Variants in SMARCA2 observed in about 807,000 individuals in gnomAD.
The protein encoded by SMARCA2 is SWI/SNF related BAF chromatin remodeling complex subunit ATPase 2, also known as SWI/SNF-related matrix-associated actin-dependent regulator of chromatin subfamily A member 2.
A neutral mutation model predicts 199.8 loss-of-function variants in SMARCA2; 61 were observed. The ratio of observed to expected loss-of-function variants is 0.31; its 90% CI spans 0.25 to 0.38. SMARCA2 has a LOEUF of 0.38. SMARCA2 is among the 10% of genes least tolerant of loss of function. The pLI is 1.00. For synonymous variants in SMARCA2, 935 were observed against 732.0 expected, an observed-to-expected ratio of 1.28 and a Z score of -4.48; for missense variants, 1,344 against 2,012.2, an observed-to-expected ratio of 0.67 and a Z score of 6.35.
intron 27 of SMARCA2, chr9:2,160,940 T>A (rs763198601): frequency 7.3e-5 from 19 of 261,070 alleles, no homozygotes; most frequent in Admixed American, 2.0e-4. Context: ...TAGCCCTTTA[T>A]GAACAGGTTT....
At chr9:2,098,058 C>T (rs1033865313) in intron 21 of SMARCA2, among the ~76,000 whole-genome samples, 17 of 152,220 alleles carry the variant, frequency 1.1e-4, no homozygotes, top group African/African-American at 4.1e-4. Flanking sequence ...GCCATGTTCA[C>T]TCCATGTGAA....
chr9:2,160,492 T>C, intron 27 of SMARCA2: 1 of 602,174 alleles, frequency 1.7e-6, no homozygotes, highest in Non-Finnish European at 3.0e-6. Flanking sequence ...CACAAAACCT[T>C]TCTTTTTCAG....
intron 27 of SMARCA2, among the ~76,000 whole-genome samples, chr9:2,148,779 G>C (rs1214262901): frequency 6.6e-6 from 1 of 151,508 alleles, no homozygotes; most frequent in Non-Finnish European, 1.5e-5. Context: ...AAAGCACTGA[G>C]ATTACAAGTG....
chr9:2,100,735 A>C (rs192861617), intron 21 of SMARCA2, among the ~76,000 whole-genome samples: 1 of 152,142 alleles, frequency 6.6e-6, no homozygotes, highest in Admixed American at 6.5e-5. Flanking sequence ...TCACCGAACT[A>C]AGAATTATAA....
rs1825700141 is a variant in SMARCA2, at chr9:2,161,892, C to T, written c.4188C>T (p.Asn1396=). The T allele has an allele frequency of 6.2e-7, 1 of 1,613,500 alleles. No homozygotes were observed. Among genetic ancestry groups the T allele is most frequent in the South Asian group, 1.1e-5 (1 of 91,010 alleles). ...QMNAIIDTVI[N]YKDRCNVEKV... is the part of the protein sequence containing the mutation. ...ACGCTATCATCGATACTGTGATAAA[C>T]TACAAAGATAGGTGAGTGTTTGGTT... The change falls in exon 28 of 34, where the codon AAC becomes AAT. Residue 1396 remains asparagine (N), a synonymous_variant. Transcript: ENST00000349721. The surrounding 1 kb of genome is among the most constrained non-coding windows in gnomAD (Gnocchi z 4.7).
chr9:2,167,112 T>C (rs1825971788), intron 28 of SMARCA2, among the ~76,000 whole-genome samples: 1 of 152,228 alleles, frequency 6.6e-6, no homozygotes, highest in Admixed American at 6.5e-5. Flanking sequence ...TCTCTAGTGT[T>C]CTGATTCCAT....
At chr9:2,050,630 T>C (rs1257845102) in intron 5 of SMARCA2, among the ~76,000 whole-genome samples, 1 of 152,094 alleles carries the variant, frequency 6.6e-6, no homozygotes, top group Non-Finnish European at 1.5e-5. Flanking sequence ...CTGTGATTTT[T>C]TTTTTTTTTT....
Position 2,039,644 on chromosome 9 carries a change from G to C in SMARCA2, c.534G>C (p.Gln178His). The C allele has an allele frequency of 8.1e-6, 13 of 1,614,178 alleles. No individual in the cohort carries two copies. Among genetic ancestry groups the C allele is most frequent in the Non-Finnish European group, 1.1e-5 (13 of 1,180,036 alleles). ...GTCCCTCACCTTTCAGTCCTGTCCA[G>C]CTGCATCAGCTTCGAGCTCAGATTT... ...NRGPSPFSPV[Q>H]LHQLRAQILA... The change falls in exon 4 of 34, where the codon CAG (glutamine) becomes CAC (histidine). Residue 178 changes from glutamine (Q) to histidine (H), a missense_variant. Physicochemically the swap from Gln to His is conservative, Grantham distance 24. This residue lies in a region of SMARCA2 where 275 missense variants were observed against 247.5 expected (regional missense o/e 1.11). Coordinates refer to ENST00000349721, the MANE Select transcript of SMARCA2 (RefSeq NM_003070.5). This position sits in a 1 kb window ranked among gnomAD's most constrained non-coding sequence, Gnocchi z 4.8.
At chr9:2,133,646 TAA>T (rs200883154) in intron 27 of SMARCA2, among the ~76,000 whole-genome samples, 45 of 139,772 alleles carry the variant, frequency 3.2e-4, no homozygotes, top group Admixed American at 3.6e-4. Flanking sequence ...TGTCAGGATT[TAA>T]AAAAAAAAAA....
At chr9:2,124,510 G>A (rs1448332797) in intron 27 of SMARCA2, among the ~76,000 whole-genome samples, 1 of 152,138 alleles carries the variant, frequency 6.6e-6, no homozygotes, top group Non-Finnish European at 1.5e-5. Context: ...GAGGTGACAT[G>A]GCTATGCAGG....
chr9:2,149,800 C>T (rs1007195701), intron 27 of SMARCA2, among the ~76,000 whole-genome samples: 1 of 151,508 alleles, frequency 6.6e-6, no homozygotes, highest in African/African-American at 2.4e-5. Context: ...ATTGTCTTTG[C>T]CACATATATG....
At chr9:2,127,071 T>TC (rs1230482530) in intron 27 of SMARCA2, among the ~76,000 whole-genome samples, 1 of 152,252 alleles carries the variant, frequency 6.6e-6, no homozygotes, top group Non-Finnish European at 1.5e-5. Flanking sequence ...TCTTGAACTT[T>TC]CCTCCTCCTT....
intron 28 of SMARCA2, among the ~76,000 whole-genome samples, chr9:2,163,414 A>G (rs567305338): frequency 6.6e-6 from 1 of 152,330 alleles, no homozygotes; most frequent in Admixed American, 6.5e-5. Flanking sequence ...TTTTGACCGC[A>G]AGTCCATGCT....
chr9:2,158,009 C>G, intron 27 of SMARCA2: 1 of 395,974 alleles, frequency 2.5e-6, no homozygotes, highest in Non-Finnish European at 4.5e-6. Context: ...GCATGACTGT[C>G]TCCTGCATTT....
chr9:2,178,760 A>C (rs1826802261), intron 29 of SMARCA2, among the ~76,000 whole-genome samples: 1 of 152,186 alleles, frequency 6.6e-6, no homozygotes, highest in Admixed American at 6.5e-5. Context: ...AAAAAAATAA[A>C]TTACTCCAGC....
chr9:2,054,597 A>G lies in SMARCA2; in HGVS notation c.1047A>G (p.Arg349=). 6.2e-7 allele frequency: 1 copy of G among 1,611,336 alleles called. No homozygotes were observed. The highest frequency in any genetic ancestry group is 1.7e-4 in the Middle Eastern group (1 of 6,044). Residue 349 remains arginine, a splice_region_variant and synonymous_variant, in exon 6 of 34, where the codon AGA becomes AGG. Transcript: ENST00000349721. ...PVEILQEREY[R]LQARIAHRIQ... is the part of the protein sequence containing the mutation. ...TTCCCCATTTTATTGTTTCCTTTAG[A>G]CTTCAGGCCCGCATAGCTCATAGGA...
rs964114526 is a variant in SMARCA2 at position 2,119,391 on chromosome 9, A to G, written c.3685-67A>G. 3 of 1,024,450 alleles carry G rather than the reference A, an allele frequency of 2.9e-6. No individual in the cohort carries two copies. The African/African-American group carries it at 4.7e-5, about 16-fold the overall frequency. The allele number at this position is 1,024,450 out of a possible 1,614,324, so 63.5% of individuals were successfully genotyped here. On this transcript the variant is annotated intron_variant, in intron 25 of 33. Transcript: ENST00000349721. The surrounding 1 kb of genome is among the most constrained non-coding windows in gnomAD (Gnocchi z 4.6). ...GGGACCCCTCTGGTCTGGAGGACAG[A>G]TCACTTACTTGTTTGTACCTTGCCC...
intron 8 of SMARCA2, 121 bp downstream of exon 8, chr9:2,058,585 A>G: frequency 1.2e-6 from 1 of 823,700 alleles, no homozygotes; most frequent in South Asian, 1.8e-5. Context: ...AATTTTAGTA[A>G]ATTTCTTTGA....
intron 28 of SMARCA2, among the ~76,000 whole-genome samples, chr9:2,166,529 C>CTTA (rs1825937207): frequency 6.6e-6 from 1 of 152,186 alleles, no homozygotes; most frequent in Admixed American, 6.5e-5. Flanking sequence ...TGATTGTATT[C>CTTA]TTATCCCTGT....
Sources: allele counts gnomAD v4.1 joint callset (sites outside exome capture counted in the v4.1 genomes callset), GRCh38; gene constraint gnomAD v4.1.1; regional missense constraint gnomAD v4.1.1; non-coding constraint Gnocchi (gnomAD v3.1); transcripts MANE v1.5; gene names NCBI Gene and HGNC (gene_info 2026-07-23, HGNC 2026-07-21).